Variants in CPO observed in about 807,000 individuals in gnomAD.
CPO encodes the protein metallocarboxypeptidase C.
A neutral mutation model predicts 41.2 loss-of-function variants in CPO; 43 were observed. The observed-to-expected ratio is 1.04, with a 90% confidence interval of 0.82 to 1.35. The LOEUF (loss-of-function observed/expected upper bound fraction) is 1.35. Ranked by LOEUF, CPO falls within the 40% of genes most tolerant of loss-of-function variation. The pLI, the probability that CPO is intolerant of heterozygous loss-of-function variation, is 0.00. For missense variants in CPO, 408 were observed against 451.7 expected (o/e 0.90, Z 0.88); for synonymous variants, 178 against 162.7 (o/e 1.09, Z -0.72).
rs114710710 is a variant in CPO at position 206,958,291 on chromosome 2, T to C, written c.268-10T>C. 604 of 1,488,070 alleles carry C rather than the reference T, an allele frequency of 4.1e-4. 3 individuals carry two copies. In the African/African-American group the frequency reaches 7.5e-3, roughly 19 times the overall value. The allele number at this position is 1,488,070 out of a possible 1,614,324, so 92.2% of individuals were successfully genotyped here. Reference sequence around the variant, plus strand: ...ATTGTTTAGTAATGGGGCATGGATATCTTCTCCAGATCAGCCAACCATCTG... The same window carrying C: ...ATTGTTTAGTAATGGGGCATGGATACCTTCTCCAGATCAGCCAACCATCTG... On this transcript the variant is annotated splice_polypyrimidine_tract_variant and intron_variant, in intron 3 of 8. Transcript: ENST00000272852.
intron 4 of CPO, among the ~76,000 whole-genome samples, chr2:206,958,627 G>C (rs1443688915): frequency 6.6e-6 from 1 of 151,610 alleles, no homozygotes; most frequent in African/African-American, 2.4e-5. Context: ...TTTATTGGAG[G>C]GTAAACATAT....
chr2:206,960,933 T>C lies in CPO; in HGVS notation c.565T>C (p.Ser189Pro). 6.3e-7 allele frequency: 1 copy of C among 1,599,886 alleles called. No individual in the cohort carries two copies. The highest frequency in any genetic ancestry group is 8.6e-7 in the Non-Finnish European group (1 of 1,166,982). Reference sequence around the variant, plus strand: ...GGATCTCAATCGAAATTTCAATGCATCTTGGTGTAGTAAGTACATGCTTAG... The same window carrying C: ...GGATCTCAATCGAAATTTCAATGCACCTTGGTGTAGTAAGTACATGCTTAG... ...GTDLNRNFNA[S>P]WCSIGASRNC... Residue 189 changes from serine to proline, a missense_variant, in exon 6 of 9, where the codon TCT (serine) becomes CCT (proline). Ser to Pro is a moderately conservative substitution (Grantham distance 74). Transcript: ENST00000272852.
chr2:206,964,017 T>A (rs1376183155), intron 7 of CPO, among the ~76,000 whole-genome samples: 1 of 152,224 alleles, frequency 6.6e-6, no homozygotes, highest in Non-Finnish European at 1.5e-5. Context: ...TTTATCTTTT[T>A]ATTTTTTTAA....
chr2:206,967,855 T>A (rs1051702509), intron 7 of CPO, among the ~76,000 whole-genome samples: 2 of 152,030 alleles, frequency 1.3e-5, no homozygotes, highest in Non-Finnish European at 2.9e-5. Flanking sequence ...GGAAGCCAGG[T>A]GGGATCACTT....
At chr2:206,962,039 G>A (rs1693490069) in intron 6 of CPO, among the ~76,000 whole-genome samples, 1 of 149,744 alleles carries the variant, frequency 6.7e-6, no homozygotes, top group South Asian at 2.1e-4. Context: ...GGTGGAGCTT[G>A]CAGTGAGCAG....
chr2:206,963,154 C>CTG (rs10626134), intron 7 of CPO, among the ~76,000 whole-genome samples: 65,155 of 151,864 alleles, frequency 0.43, 14,322 homozygotes, highest in Non-Finnish European at 0.48. Flanking sequence ...AGCAGGGAAA[C>CTG]TGTTTGGTCT....
At chr2:206,946,345 C>G (rs533962702) in intron 1 of CPO, among the ~76,000 whole-genome samples, 2 of 152,262 alleles carry the variant, frequency 1.3e-5, no homozygotes, top group Admixed American at 1.3e-4. Context: ...TCAATTAGTA[C>G]TATCTGTTCT....
rs997353256 is a variant in CPO, at chr2:206,961,060, G to T, written c.574+118G>T. On this transcript the variant is annotated intron_variant, in intron 6 of 8. Transcript: ENST00000272852. Reference sequence around the variant, plus strand: ...CATCTAATATGGTACAGCTTTCTGGGCTTCCTAATGAGTTTTATTCCCTCT... The same window carrying T: ...CATCTAATATGGTACAGCTTTCTGGTCTTCCTAATGAGTTTTATTCCCTCT... 7 of 728,170 alleles carry T rather than the reference G, an allele frequency of 9.6e-6. No individual in the cohort carries two copies. In the East Asian group the frequency reaches 1.8e-4, roughly 19 times the overall value. The allele number at this position is 728,170 out of a possible 1,614,324, so 45.1% of individuals were successfully genotyped here.
intron 2 of CPO, among the ~76,000 whole-genome samples, chr2:206,951,869 GGCT>G (rs1442664817): frequency 1.3e-5 from 2 of 152,146 alleles, no homozygotes; most frequent in African/African-American, 2.4e-5. Flanking sequence ...TGCTGCTACT[GGCT>G]GCTATTTGTA....
At chr2:206,941,056 A>T (rs1041957452) in intron 1 of CPO, among the ~76,000 whole-genome samples, 6 of 152,260 alleles carry the variant, frequency 3.9e-5, no homozygotes, top group African/African-American at 1.4e-4. Flanking sequence ...ATACAAAAAA[A>T]ATTATGCTGC....
intron 3 of CPO, 134 bp from the exon 4 acceptor site, chr2:206,958,167 C>T: frequency 5.3e-6 from 3 of 563,612 alleles, no homozygotes; most frequent in Non-Finnish European, 9.5e-6. Flanking sequence ...TCATTAGCAT[C>T]CTTGCCTCCC....
rs987608452 is a variant in CPO at position 206,962,634 on chromosome 2, G to C, written c.777+20G>C. The C allele has an allele frequency of 1.9e-6, 3 of 1,599,424 alleles. No individual in the cohort carries two copies. In the Admixed American group the frequency reaches 5.0e-5, roughly 27 times the overall value. On this transcript the variant is annotated intron_variant, in intron 7 of 8. Transcript: ENST00000272852. The stretch of plus-strand genomic sequence containing the variant: ...GAAATGGTGAGTCCATAGCACCAAG[G>C]CCTCCAGAAAAACCTCAGCAAGACC...
At chr2:206,962,275 A>C in intron 6 of CPO, 137 bp from the exon 7 acceptor site, 2 of 718,498 alleles carry the variant, frequency 2.8e-6, no homozygotes, top group Non-Finnish European at 4.8e-6. Flanking sequence ...TGACTAATTT[A>C]GCCTGGACTA....
At chr2:206,956,481 C>A (rs949849189) in intron 3 of CPO, among the ~76,000 whole-genome samples, 5 of 152,102 alleles carry the variant, frequency 3.3e-5, no homozygotes, top group African/African-American at 1.2e-4. Flanking sequence ...CAGGTCCCTG[C>A]AAAGGTCTAC....
intron 1 of CPO, 104 bp downstream of exon 1, chr2:206,939,771 C>T (rs940744811): frequency 1.8e-5 from 14 of 780,082 alleles, no homozygotes; most frequent in Non-Finnish European, 2.8e-5. Flanking sequence ...TTCCTTGCTA[C>T]TCATATATAC....
At chr2:206,953,302 G>T (rs1353137059) in intron 2 of CPO, among the ~76,000 whole-genome samples, 2 of 152,132 alleles carry the variant, frequency 1.3e-5, no homozygotes, top group Non-Finnish European at 2.9e-5. Flanking sequence ...TCAAAAGCAA[G>T]TTAGTTACTT....
intron 1 of CPO, among the ~76,000 whole-genome samples, chr2:206,943,706 AG>A (rs1203686521): frequency 1.7e-3 from 131 of 75,244 alleles, no homozygotes; most frequent in Non-Finnish European, 3.2e-3. Flanking sequence ...ATAGATAGAT[AG>A]ATAGATAGAT....
chr2:206,968,495 G>A (rs1693626374), intron 8 of CPO, 148 bp downstream of exon 8: 2 of 635,186 alleles, frequency 3.1e-6, no homozygotes, highest in South Asian at 1.9e-5. Flanking sequence ...GGATAAAAGG[G>A]AGTCTGTACA....
At chr2:206,944,348 GATC>G (rs935190801) in intron 1 of CPO, among the ~76,000 whole-genome samples, 2 of 151,750 alleles carry the variant, frequency 1.3e-5, no homozygotes, top group African/African-American at 4.8e-5. Flanking sequence ...TTTACAAAAT[GATC>G]ATCTTTTGTA....
Sources: allele counts gnomAD v4.1 joint callset (sites outside exome capture counted in the v4.1 genomes callset), GRCh38; gene constraint gnomAD v4.1.1; transcripts MANE v1.5; gene names NCBI Gene and HGNC (gene_info 2026-07-23, HGNC 2026-07-21).